Variants in PCDHA4 observed in about 807,000 individuals in gnomAD.
The protein encoded by PCDHA4 is protocadherin alpha 4, also known as protocadherin alpha-4.
In PCDHA4, 49 loss-of-function variants were observed where a neutral mutation model predicts 61.4. The ratio of observed to expected loss-of-function variants is 0.80; its 90% CI spans 0.63 to 1.01. PCDHA4 has a LOEUF of 1.01. Ranked by LOEUF, PCDHA4 falls within the 50% of genes least tolerant of loss-of-function variation. PCDHA4 has a pLI of 0.00. For synonymous variants in PCDHA4, 590 were observed against 550.3 expected (o/e 1.07, Z -1.01); for missense variants, 1,254 against 1,235.8 (o/e 1.01, Z -0.22).
intron 1 of PCDHA4, chr5:140,877,048 G>C (rs376952553): frequency 1.2e-5 from 19 of 1,612,558 alleles, no homozygotes; most frequent in African/African-American, 2.7e-5. Flanking sequence ...GCTAGACCAC[G>C]AGGAGCTGGA....
intron 1 of PCDHA4, 83 bp downstream of exon 1, chr5:140,809,655 A>G (rs1554125339): frequency 3.4e-6 from 5 of 1,490,700 alleles, no homozygotes; most frequent in Non-Finnish European, 4.5e-6. Context: ...TAAGAGTCAA[A>G]TTTCCCTGGG....
chr5:140,966,363 G>A (rs1476634162), intron 1 of PCDHA4: 3 of 402,216 alleles, frequency 7.5e-6, no homozygotes, highest in Admixed American at 4.4e-5. Flanking sequence ...GGGCTGGAGA[G>A]GCTGAGCAGT....
chr5:140,988,308 G>T (rs75602297), intron 3 of PCDHA4, among the ~76,000 whole-genome samples: 1,856 of 152,298 alleles, frequency 0.012, 44 homozygotes, highest in African/African-American at 0.043. Context: ...TGCCAGCTTG[G>T]CTTGGCTTTC....
chr5:140,841,237 C>T (rs1428420937), intron 1 of PCDHA4: 16 of 1,479,782 alleles, frequency 1.1e-5, no homozygotes, highest in Middle Eastern at 2.0e-4. Context: ...GGAGATGCAG[C>T]GGAATTGGAT....
intron 1 of PCDHA4, among the ~76,000 whole-genome samples, chr5:140,872,228 T>C (rs2053555588): frequency 6.6e-6 from 1 of 152,222 alleles, no homozygotes. Context: ...CAATCTTTAC[T>C]TTTGTCTTTA....
intron 1 of PCDHA4, chr5:140,841,282 T>A: frequency 6.5e-7 from 1 of 1,545,352 alleles, no homozygotes; most frequent in Non-Finnish European, 8.7e-7. Context: ...TTCATCTTTA[T>A]ATTAAGATAA....
intron 1 of PCDHA4, chr5:140,849,805 C>T: frequency 6.3e-7 from 1 of 1,598,382 alleles, no homozygotes; most frequent in Non-Finnish European, 8.6e-7. Flanking sequence ...TCACTGTGGG[C>T]CACGGCCAGG....
intron 1 of PCDHA4, chr5:140,811,995 A>C (rs1441675805): frequency 2.9e-5 from 3 of 104,506 alleles, no homozygotes; most frequent in Middle Eastern, 5.4e-3. Context: ...TTTATTTTTT[A>C]CTACCATTTT....
intron 1 of PCDHA4, chr5:140,871,632 T>G (rs1554165792): frequency 7.2e-7 from 1 of 1,380,660 alleles, no homozygotes; most frequent in Non-Finnish European, 9.6e-7. Context: ...ACAATGTCTG[T>G]TCATAAAATA....
intron 1 of PCDHA4, among the ~76,000 whole-genome samples, chr5:140,936,049 C>A (rs1185871662): frequency 1.3e-5 from 2 of 151,974 alleles, no homozygotes; most frequent in African/African-American, 2.4e-5. Context: ...CCCACCACCA[C>A]ACCCGGCTAA....
chr5:141,005,662 A>G (rs2098227817), intron 3 of PCDHA4, among the ~76,000 whole-genome samples: 1 of 138,324 alleles, frequency 7.2e-6, no homozygotes, highest in East Asian at 2.2e-4. Context: ...AGATCGCGCC[A>G]CTGCACTCCA....
intron 1 of PCDHA4, among the ~76,000 whole-genome samples, chr5:140,944,398 G>C (rs1326523434): frequency 4.6e-5 from 7 of 152,104 alleles, no homozygotes; most frequent in African/African-American, 2.4e-5. Flanking sequence ...TGTTATCCAG[G>C]CTGGTCTCGA....
chr5:140,977,610 A>G (rs1056611698), intron 1 of PCDHA4, among the ~76,000 whole-genome samples: 1 of 152,196 alleles, frequency 6.6e-6, no homozygotes, highest in Non-Finnish European at 1.5e-5. Context: ...CCATTGAGGT[A>G]AAGTATCCCA....
intron 1 of PCDHA4, chr5:140,930,379 G>A (rs1249793792): frequency 1.3e-5 from 2 of 151,896 alleles, no homozygotes; most frequent in African/African-American, 2.4e-5. Context: ...GTGGCCCTTG[G>A]CATTTCAAAA....
At chr5:140,991,472 C>G (rs1480480128) in intron 3 of PCDHA4, among the ~76,000 whole-genome samples, 1 of 152,172 alleles carries the variant, frequency 6.6e-6, no homozygotes, top group African/African-American at 2.4e-5. Context: ...TCTTACAGTT[C>G]TGGAAGTCAG....
chr5:140,968,876 A>G (rs782240993), intron 1 of PCDHA4: 51 of 1,614,112 alleles, frequency 3.2e-5, no homozygotes, highest in Non-Finnish European at 4.1e-5. Context: ...ATACTCTGAA[A>G]TTACCCTTTA....
intron 1 of PCDHA4, among the ~76,000 whole-genome samples, chr5:140,922,066 C>A (rs1438475640): frequency 2.0e-5 from 3 of 151,528 alleles, no homozygotes; most frequent in Non-Finnish European, 4.4e-5. Context: ...TGTAGCAATC[C>A]CACTAAGCAA....
chr5:140,944,881 T>C (rs1554216593), intron 1 of PCDHA4, among the ~76,000 whole-genome samples: 1 of 152,180 alleles, frequency 6.6e-6, no homozygotes, highest in Non-Finnish European at 1.5e-5. Flanking sequence ...CCTACTCCAC[T>C]GTACAGTTCC....
At chr5:140,966,663 A>C in intron 1 of PCDHA4, 1 of 1,237,556 alleles carries the variant, frequency 8.1e-7, no homozygotes, top group East Asian at 3.0e-5. Context: ...GTGGGGGAGC[A>C]GGCGCAGGGT....
Sources: gnomAD v4.1 joint callset for allele counts (sites outside exome capture counted in the v4.1 genomes callset) on GRCh38, gnomAD v4.1.1 for gene constraint, MANE v1.5 for transcripts, NCBI Gene and HGNC (gene_info 2026-07-23, HGNC 2026-07-21) for gene names.